The following RASD2 variants were observed in gnomAD, a reference collection of about 807,000 sequenced individuals.
The protein encoded by RASD2 is GTP-binding protein Rhes.
RASD2 carries 7 observed loss-of-function variants against 15.8 expected under a neutral mutation model. The observed-to-expected ratio is 0.44, with a 90% CI of 0.25 to 0.83. The LOEUF (loss-of-function observed/expected upper bound fraction) is 0.83. Among genes scored for constraint, RASD2 ranks in the 40% least tolerant of loss-of-function variants. The pLI, the probability that RASD2 is intolerant of heterozygous loss-of-function variation, is 0.20. For synonymous variants in RASD2, 155 were observed against 153.6 expected (o/e 1.01, Z -0.07); for missense variants, 274 against 382.8 (o/e 0.72, Z 2.37).
At chr22:35,543,217 C>G (rs1934397906) in intron 1 of RASD2, among the ~76,000 whole-genome samples, 1 of 152,186 alleles carries the variant, frequency 6.6e-6, no homozygotes, top group African/African-American at 2.4e-5. Context: ...CCCCTCATCT[C>G]TGCTCTGGGA....
rs967201638 is a variant in RASD2 at position 35,551,467 on chromosome 22, G to A, written c.272-36G>A. On this transcript the variant is annotated intron_variant, in intron 2 of 2. Transcript: ENST00000216127. This position sits in a 1 kb window ranked among gnomAD's most constrained non-coding sequence, Gnocchi z 4.9. ...CAGAGGAGGGCAGGGGTTGCAGCTG[G>A]CCGGTGAACTCACTACCTGGGCTCT... The A allele has an allele frequency of 1.8e-5, 29 of 1,586,312 alleles. No individual in the cohort carries two copies. Among genetic ancestry groups the A allele is most frequent in the Middle Eastern group, 3.4e-4 (2 of 5,946 alleles).
chr22:35,536,892 C>A (rs570691836), upstream of RASD2, among the ~76,000 whole-genome samples: 1 of 152,216 alleles, frequency 6.6e-6, no homozygotes, highest in East Asian at 1.9e-4. Flanking sequence ...CTCTAGCAAC[C>A]CTGGGTGCAC....
At chr22:35,537,563 C>T (rs938950629), upstream of RASD2, among the ~76,000 whole-genome samples, 2 of 152,212 alleles carry the variant, frequency 1.3e-5, no homozygotes, top group African/African-American at 4.8e-5. Context: ...ACTATTGTAA[C>T]ACCCACTTTT....
At chr22:35,540,202 CGA>C (rs537359461), upstream of RASD2, among the ~76,000 whole-genome samples, 621 of 152,228 alleles carry the variant, frequency 4.1e-3, 5 homozygotes, top group African/African-American at 0.014. Context: ...AGACCCCGGC[CGA>C]GTGGGCAGGC....
At position 35,551,464 on chromosome 22, in the gene RASD2, C is replaced by T. The variant is rs544402356; in HGVS notation, c.272-39C>T. The T allele has an allele frequency of 1.3e-5, 21 of 1,582,470 alleles. 1 individual carries two copies. The South Asian group carries it at 2.3e-4, about 17-fold the overall frequency. ...GGCCAGAGGAGGGCAGGGGTTGCAG[C>T]TGGCCGGTGAACTCACTACCTGGGC... On this transcript the variant is annotated intron_variant, in intron 2 of 2. Coordinates refer to ENST00000216127, the MANE Select transcript of RASD2 (RefSeq NM_014310.4). This position sits in a 1 kb window ranked among gnomAD's most constrained non-coding sequence, Gnocchi z 4.9.
chr22:35,534,415 AAATGACTCT>A, the RASD2 span, among the ~76,000 whole-genome samples: 1 of 152,218 alleles, frequency 6.6e-6, no homozygotes, highest in East Asian at 1.9e-4. Context: ...TCTCATCTAC[AAATGACTCT>A]AATAATGCTT....
chr22:35,550,816 T>G (rs79236185), intron 2 of RASD2, among the ~76,000 whole-genome samples: 1 of 152,104 alleles, frequency 6.6e-6, no homozygotes, highest in African/African-American at 2.4e-5. Context: ...TCACCTGTAA[T>G]GCAAAGGTAA....
At chr22:35,537,451 G>A (rs1235071761), upstream of RASD2, among the ~76,000 whole-genome samples, 1 of 152,246 alleles carries the variant, frequency 6.6e-6, no homozygotes, top group Admixed American at 6.5e-5. Flanking sequence ...TATGAAGCAG[G>A]AAGTAACACC....
Position 35,551,826 on chromosome 22 carries a change from G to A in RASD2, c.595G>A (p.Ala199Thr), listed in dbSNP as rs922167794. The A allele has an allele frequency of 8.1e-6, 13 of 1,613,972 alleles. No individual in the cohort carries two copies. Among genetic ancestry groups the A allele is most frequent in the Admixed American group, 1.7e-5 (1 of 59,994 alleles). The change falls in exon 3 of 3, where the codon GCC becomes ACC. Residue 199 changes from alanine (A) to threonine (T), a missense_variant. Transcript: ENST00000216127. The surrounding 1 kb of genome is among the most constrained non-coding windows in gnomAD (Gnocchi z 4.9). Reference sequence around the variant, plus strand: ...CAAGCTGCCACACGAGATGAGCCCCGCCCTGCATCGCAAGATCTCCGTGCA... The same window carrying A: ...CAAGCTGCCACACGAGATGAGCCCCACCCTGCATCGCAAGATCTCCGTGCA... Reference protein sequence around the residue: ...MAKLPHEMSPALHRKISVQYG... With the variant: ...MAKLPHEMSPTLHRKISVQYG...
At chr22:35,534,944 T>A in the RASD2 span, among the ~76,000 whole-genome samples, 1 of 152,208 alleles carries the variant, frequency 6.6e-6, no homozygotes, top group African/African-American at 2.4e-5. Context: ...AACATTCTTG[T>A]TGGACAGAGG....
In RASD2 at chr22:35,548,755, G is replaced by A. The variant is rs140044843; in HGVS notation, c.271+1675G>A. ...CATGTAGATAGGAGAGCCCTGGGTCGACCTGTGTTCGAATCCTTGCTGGGC... is the reference window on the plus strand; with the variant it reads ...CATGTAGATAGGAGAGCCCTGGGTCAACCTGTGTTCGAATCCTTGCTGGGC... On this transcript the variant is annotated intron_variant, in intron 2 of 2. Transcript: ENST00000216127. 2.6e-4 allele frequency among the ~76,000 whole-genome samples: 40 copies of A among 152,334 alleles called. 1 individual carries two copies. The South Asian group carries it at 3.3e-3, about 13-fold the overall frequency.
intron 2 of RASD2, among the ~76,000 whole-genome samples, chr22:35,550,628 G>A (rs1017344026): frequency 2.0e-5 from 3 of 152,058 alleles, no homozygotes; most frequent in Admixed American, 1.3e-4. Context: ...AGGCAGTGTG[G>A]GCCTTGGAGG....
chr22:35,552,639 C>T lies in RASD2; in HGVS notation c.*607C>T, dbSNP rs1934705544. 6.5e-6 allele frequency: 1 copy of T among 153,160 alleles called. No individual in the cohort carries two copies. The highest frequency in any genetic ancestry group is 1.9e-4 in the East Asian group (1 of 5,196). 9.5% of individuals were successfully genotyped at this position (153,160 alleles called of 1,614,324 possible). ...CGTGGCCACACCTCCTAGACCACGC[C>T]CACCACTTAGACCACGCCCACCTCC... On this transcript the variant is annotated 3_prime_UTR_variant, in exon 3 of 3. Coordinates refer to ENST00000216127, the MANE Select transcript of RASD2 (RefSeq NM_014310.4).
intron 2 of RASD2, among the ~76,000 whole-genome samples, chr22:35,550,099 A>T (rs1165780502): frequency 1.3e-5 from 2 of 151,684 alleles, no homozygotes; most frequent in African/African-American, 4.9e-5. Context: ...CGTCTCTACT[A>T]AAAAATACAA....
chr22:35,551,913 T>C lies in RASD2; in HGVS notation c.682T>C (p.Tyr228His), dbSNP rs765343551. 1.2e-6 allele frequency: 2 copies of C among 1,611,906 alleles called. No individual in the cohort carries two copies. The highest frequency in any genetic ancestry group is 1.7e-6 in the Non-Finnish European group (2 of 1,180,018). Residue 228 changes from tyrosine to histidine, a missense_variant, in exon 3 of 3, where the codon TAT becomes CAT. Tyr to His is a moderately conservative substitution (Grantham distance 83). Transcript: ENST00000216127. This position sits in a 1 kb window ranked among gnomAD's most constrained non-coding sequence, Gnocchi z 4.9. Reference sequence around the variant, plus strand: ...GCGCCGCGTCAAGGAGATGGACGCCTATGGCATGGTCTCGCCCTTCGCCCG... The same window carrying C: ...GCGCCGCGTCAAGGAGATGGACGCCCATGGCATGGTCTCGCCCTTCGCCCG... ...CMRRVKEMDA[Y>H]GMVSPFARRP...
At chr22:35,538,539 T>G (rs1017861520), upstream of RASD2, among the ~76,000 whole-genome samples, 11 of 152,150 alleles carry the variant, frequency 7.2e-5, no homozygotes, top group African/African-American at 2.7e-4. Context: ...ATCCCTTATG[T>G]GTATTTGCTT....
upstream of RASD2, among the ~76,000 whole-genome samples, chr22:35,539,123 TAC>T (rs1934286633): frequency 6.6e-6 from 1 of 152,222 alleles, no homozygotes; most frequent in Non-Finnish European, 1.5e-5. Context: ...CTCAAGATGT[TAC>T]AGAGACAAGC....
At chr22:35,539,333 C>T (rs1934290740), upstream of RASD2, among the ~76,000 whole-genome samples, 1 of 152,114 alleles carries the variant, frequency 6.6e-6, no homozygotes, top group Non-Finnish European at 1.5e-5. Context: ...TGGAGCTGAC[C>T]CCTCAGGTGC....
chr22:35,533,239 T>A, the RASD2 span, among the ~76,000 whole-genome samples: 3 of 152,160 alleles, frequency 2.0e-5, no homozygotes, highest in Non-Finnish European at 4.4e-5. Flanking sequence ...CTCTCCCACA[T>A]AATAGTTTGC....
Sources: gnomAD v4.1 joint callset for allele counts (sites outside exome capture counted in the v4.1 genomes callset) on GRCh38, gnomAD v4.1.1 for gene constraint, Gnocchi (gnomAD v3.1) non-coding constraint, MANE v1.5 for transcripts, NCBI Gene and HGNC (gene_info 2026-07-23, HGNC 2026-07-21) for gene names.